Variants in IGF2BP3 observed in about 807,000 individuals in gnomAD.
IGF2BP3 encodes the protein insulin-like growth factor 2 mRNA-binding protein 3.
In IGF2BP3, 9 loss-of-function variants were observed where a neutral mutation model predicts 73.8. The observed-to-expected ratio is 0.12, with a 90% confidence interval of 0.07 to 0.21. IGF2BP3 has a LOEUF of 0.21. Among genes scored for constraint, IGF2BP3 ranks in the 10% least tolerant of loss-of-function variants. IGF2BP3 has a pLI of 1.00. For missense variants in IGF2BP3, 542 were observed against 714.0 expected (o/e 0.76, Z 2.75); for synonymous variants, 258 against 256.7 (o/e 1.01, Z -0.05).
chr7:23,404,416 G>GA (rs1203433925), intron 3 of IGF2BP3, among the ~76,000 whole-genome samples: 2 of 152,080 alleles, frequency 1.3e-5, no homozygotes, highest in Non-Finnish European at 2.9e-5. Context: ...GGACACATGT[G>GA]AGAGTCTAGG....
At position 23,470,101 on chromosome 7, in the gene IGF2BP3, G is replaced by A. The variant is rs1197631120; in HGVS notation, c.10C>T (p.Leu4=). 2 of 1,604,626 alleles carry A rather than the reference G, an allele frequency of 1.2e-6. No individual in the cohort carries two copies. The highest frequency in any genetic ancestry group is 1.7e-6 in the Non-Finnish European group (2 of 1,177,272). The change falls in exon 1 of 15, where the codon CTG becomes TTG. Residue 4 remains leucine (L), a synonymous_variant. Transcript: ENST00000258729. ...TTCTCGCTGAGGTTTCCGATATACAGTTTGTTCATTGTGAAGAGTGGTTGT... is the reference window on the plus strand; with the variant it reads ...TTCTCGCTGAGGTTTCCGATATACAATTTGTTCATTGTGAAGAGTGGTTGT... MNK[L]YIGNLSENAA...
intron 6 of IGF2BP3, among the ~76,000 whole-genome samples, chr7:23,349,810 G>A (rs1404747244): frequency 6.6e-6 from 1 of 152,186 alleles, no homozygotes; most frequent in Non-Finnish European, 1.5e-5. Flanking sequence ...TCATCTGACA[G>A]GGAAATGAGT....
At chr7:23,431,944 G>T (rs1318304719) in intron 2 of IGF2BP3, among the ~76,000 whole-genome samples, 2 of 152,084 alleles carry the variant, frequency 1.3e-5, no homozygotes, top group African/African-American at 4.8e-5. Flanking sequence ...CATTCCACTG[G>T]TTAACAGATT....
At chr7:23,386,089 G>A (rs55654567) in intron 3 of IGF2BP3, among the ~76,000 whole-genome samples, 3,462 of 152,250 alleles carry the variant, frequency 0.023, 126 homozygotes, top group African/African-American at 0.079. Flanking sequence ...GAGAAAATGA[G>A]ATTGGCCTTA....
chr7:23,323,271 C>T (rs55940220), intron 10 of IGF2BP3, among the ~76,000 whole-genome samples: 19,719 of 146,878 alleles, frequency 0.13, 3,499 homozygotes, highest in African/African-American at 0.43. Flanking sequence ...GTTGCAATCC[C>T]AGTCTCTGAT....
chr7:23,431,780 C>T (rs1007885409), intron 2 of IGF2BP3, among the ~76,000 whole-genome samples: 8 of 152,152 alleles, frequency 5.3e-5, no homozygotes, highest in East Asian at 3.9e-4. Context: ...AGACTTAAAT[C>T]GTAATTTCTG....
At chr7:23,320,970 G>C (rs13227599) in intron 10 of IGF2BP3, among the ~76,000 whole-genome samples, 3 of 111,052 alleles carry the variant, frequency 2.7e-5, no homozygotes, top group Non-Finnish European at 3.8e-5. Context: ...AAAAAAAAAA[G>C]AAAAAACAAA....
chr7:23,448,783 C>A (rs1210158025), intron 2 of IGF2BP3, among the ~76,000 whole-genome samples: 3 of 152,132 alleles, frequency 2.0e-5, no homozygotes, highest in African/African-American at 7.2e-5. Flanking sequence ...GGCCACAACA[C>A]CACACCTGGC....
chr7:23,456,335 C>T (rs1788316869), intron 2 of IGF2BP3, among the ~76,000 whole-genome samples: 1 of 152,046 alleles, frequency 6.6e-6, no homozygotes, highest in African/African-American at 2.4e-5. Flanking sequence ...TCATTATCTG[C>T]CCTGCTGGGA....
chr7:23,315,358 T>C (rs995438797), intron 12 of IGF2BP3, among the ~76,000 whole-genome samples: 2 of 152,172 alleles, frequency 1.3e-5, no homozygotes, highest in African/African-American at 4.8e-5. Context: ...TCTACCCACC[T>C]AGGCCTCTCA....
chr7:23,452,980 C>T (rs368287233), intron 2 of IGF2BP3, among the ~76,000 whole-genome samples: 30 of 151,728 alleles, frequency 2.0e-4, no homozygotes, highest in African/African-American at 7.0e-4. Context: ...GGCATGATGG[C>T]GCACACCTGT....
At chr7:23,347,780 G>T (rs1487933743) in intron 6 of IGF2BP3, 46 bp from the exon 7 acceptor site, 1 of 1,611,690 alleles carries the variant, frequency 6.2e-7, no homozygotes, top group African/African-American at 1.3e-5. Context: ...CAGTAAGCGT[G>T]TATTCACAGT....
chr7:23,439,861 A>G (rs1787891755), intron 2 of IGF2BP3, among the ~76,000 whole-genome samples: 1 of 152,224 alleles, frequency 6.6e-6, no homozygotes, highest in Non-Finnish European at 1.5e-5. Flanking sequence ...ACTCACACTC[A>G]ACAGTACCTA....
In IGF2BP3 at chr7:23,381,127, T is replaced by C. The variant is rs994258399; in HGVS notation, c.286-19386A>G. On this transcript the variant is annotated intron_variant, in intron 3 of 14. Coordinates refer to ENST00000258729, the MANE Select transcript of IGF2BP3 (RefSeq NM_006547.3). Reference sequence around the variant, plus strand: ...AGACTTTGGGACTCCCACACAGCAATGGAGAAATCCCTCCTCCCAGAAGTC... The same window carrying C: ...AGACTTTGGGACTCCCACACAGCAACGGAGAAATCCCTCCTCCCAGAAGTC... Among the ~76,000 whole-genome samples, 4 of 152,194 alleles carry C rather than the reference T, an allele frequency of 2.6e-5. No individual in the cohort carries two copies. The East Asian group carries it at 5.8e-4, about 22-fold the overall frequency.
At chr7:23,366,184 C>T (rs1785366904) in intron 3 of IGF2BP3, among the ~76,000 whole-genome samples, 1 of 151,688 alleles carries the variant, frequency 6.6e-6, no homozygotes, top group African/African-American at 2.4e-5. Context: ...ATCACCCAGG[C>T]TGGAGTACAA....
intron 5 of IGF2BP3, among the ~76,000 whole-genome samples, chr7:23,359,832 C>T (rs1410741035): frequency 2.0e-5 from 3 of 151,862 alleles, no homozygotes; most frequent in African/African-American, 7.3e-5. Flanking sequence ...TTTTCCTGGT[C>T]TTCTTACATG....
chr7:23,424,224 C>T (rs866337005), intron 2 of IGF2BP3, among the ~76,000 whole-genome samples: 13 of 151,982 alleles, frequency 8.6e-5, no homozygotes, highest in Admixed American at 2.0e-4. Context: ...AAAGGCCAGG[C>T]GCAGTGGCTC....
intron 5 of IGF2BP3, among the ~76,000 whole-genome samples, chr7:23,353,293 G>A (rs1785012893): frequency 6.6e-6 from 1 of 152,110 alleles, no homozygotes; most frequent in African/African-American, 2.4e-5. Context: ...GGGGTGGAGT[G>A]GGTGACAGTT....
chr7:23,389,179 G>A (rs549636695), intron 3 of IGF2BP3, among the ~76,000 whole-genome samples: 1 of 137,810 alleles, frequency 7.3e-6, no homozygotes, highest in African/African-American at 2.8e-5. Context: ...TTTTTTAATT[G>A]AGACAGAGTC....
Sources: allele counts gnomAD v4.1 joint callset (sites outside exome capture counted in the v4.1 genomes callset), GRCh38; gene constraint gnomAD v4.1.1; transcripts MANE v1.5; gene names NCBI Gene and HGNC (gene_info 2026-07-23, HGNC 2026-07-21).